The following YPEL1 variants were observed in gnomAD, a reference collection of about 807,000 sequenced individuals.
YPEL1 encodes the protein yippee like 1, also known as protein yippee-like 1.
In YPEL1, 7 loss-of-function variants were observed where a neutral mutation model predicts 17.3. That is an observed-to-expected ratio of 0.40 (90% CI 0.23 to 0.76). The LOEUF (loss-of-function observed/expected upper bound fraction) is 0.76. Ranked by LOEUF, YPEL1 falls within the 30% of genes least tolerant of loss-of-function variation. YPEL1 has a pLI of 0.35. For synonymous variants in YPEL1, 59 were observed against 59.6 expected, an observed-to-expected ratio of 0.99 and a Z score of 0.05; for missense variants, 91 against 155.5, an observed-to-expected ratio of 0.59 and a Z score of 2.21.
At position 21,703,389 on chromosome 22, in the gene YPEL1, G is replaced by T. The variant is rs990942660; in HGVS notation, c.251C>A (p.Thr84Asn). The change falls in exon 4 of 5, where the codon ACC becomes AAC. Residue 84 changes from threonine to asparagine, a missense_variant. Physicochemically the swap from Thr to Asn is moderately conservative, Grantham distance 65. Transcript: ENST00000339468. This position sits in a 1 kb window ranked among gnomAD's most constrained non-coding sequence, Gnocchi z 6.1. ...VADIYCENCK[T>N]TLGWKYEHAF... ...ACTCACGTATTTCCACCCGAGCGTGGTCTTGCAGTTCTCGCAGTAGATGTC... is the reference window on the plus strand; with the variant it reads ...ACTCACGTATTTCCACCCGAGCGTGTTCTTGCAGTTCTCGCAGTAGATGTC... 6 of 1,613,594 alleles carry T rather than the reference G, an allele frequency of 3.7e-6. No individual in the cohort carries two copies. The highest frequency in any genetic ancestry group is 4.2e-6 in the Non-Finnish European group (5 of 1,179,986).
At chr22:21,704,835 CT>C (rs1171699397) in intron 2 of YPEL1, among the ~76,000 whole-genome samples, 1 of 152,190 alleles carries the variant, frequency 6.6e-6, no homozygotes, top group Non-Finnish European at 1.5e-5. Flanking sequence ...TCTGCACCCC[CT>C]GATGCACTTG....
At chr22:21,725,834 GGA>G (rs2068330642) in intron 1 of YPEL1, among the ~76,000 whole-genome samples, 1 of 23,568 alleles carries the variant, frequency 4.2e-5, no homozygotes, top group Non-Finnish European at 1.1e-4. Flanking sequence ...CTCTACCAAA[GGA>G]AAAAAAAAAA....
intron 2 of YPEL1, among the ~76,000 whole-genome samples, chr22:21,704,873 C>T (rs73384110): frequency 0.016 from 2,435 of 152,248 alleles, 24 homozygotes; most frequent in South Asian, 0.038. Context: ...TTTGCCCTCA[C>T]GGGACAGGTG....
intron 1 of YPEL1, among the ~76,000 whole-genome samples, chr22:21,720,567 T>C (rs1022104496): frequency 5.9e-5 from 9 of 152,106 alleles, no homozygotes; most frequent in South Asian, 2.1e-4. Context: ...TTCGACTCAC[T>C]GCAGCCTCCA....
At chr22:21,731,404 G>A (rs1372547808) in intron 1 of YPEL1, among the ~76,000 whole-genome samples, 4 of 151,950 alleles carry the variant, frequency 2.6e-5, no homozygotes, top group African/African-American at 9.7e-5. Flanking sequence ...TTGAAAGAGT[G>A]GGTACCACAC....
At chr22:21,705,688 A>G (rs951422516) in intron 2 of YPEL1, among the ~76,000 whole-genome samples, 4 of 152,218 alleles carry the variant, frequency 2.6e-5, no homozygotes, top group African/African-American at 9.6e-5. Context: ...GAATGGTCAC[A>G]GGTTACAGTG....
chr22:21,728,712 A>AT (rs932704802), intron 1 of YPEL1, among the ~76,000 whole-genome samples: 1 of 152,096 alleles, frequency 6.6e-6, no homozygotes, highest in African/African-American at 2.4e-5. Context: ...GTTGGCAATG[A>AT]TTTTTTTAAA....
chr22:21,727,390 C>G (rs987158689), intron 1 of YPEL1, among the ~76,000 whole-genome samples: 2 of 152,192 alleles, frequency 1.3e-5, no homozygotes, highest in African/African-American at 4.8e-5. Context: ...AAATAAGGAA[C>G]CACCCTGAAG....
intron 1 of YPEL1, among the ~76,000 whole-genome samples, chr22:21,731,782 G>A (rs1032687064): frequency 3.3e-5 from 5 of 152,168 alleles, no homozygotes; most frequent in African/African-American, 1.2e-4. Context: ...GTTGGCTCTG[G>A]GACCTGAAGC....
At chr22:21,705,180 T>C (rs1601625433) in intron 2 of YPEL1, among the ~76,000 whole-genome samples, 1 of 152,338 alleles carries the variant, frequency 6.6e-6, no homozygotes, top group East Asian at 1.9e-4. Context: ...GGTTTCGCCA[T>C]GTTGGCCAGG....
At chr22:21,718,572 A>T (rs2068251097) in intron 1 of YPEL1, among the ~76,000 whole-genome samples, 1 of 152,192 alleles carries the variant, frequency 6.6e-6, no homozygotes, top group Admixed American at 6.5e-5. Context: ...CCACAGGTGG[A>T]TACAGACAGC....
intron 1 of YPEL1, among the ~76,000 whole-genome samples, chr22:21,718,895 G>T (rs1006077443): frequency 6.6e-6 from 1 of 152,136 alleles, no homozygotes; most frequent in African/African-American, 2.4e-5. Flanking sequence ...CCTGATGGGT[G>T]ATTTCCCCAA....
chr22:21,731,217 A>G, intron 1 of YPEL1, among the ~76,000 whole-genome samples: 1 of 152,094 alleles, frequency 6.6e-6, no homozygotes, highest in Non-Finnish European at 1.5e-5. Flanking sequence ...GTCTCTAAAA[A>G]AAAATTTAAA....
chr22:21,734,146 G>C (rs2068414745), intron 1 of YPEL1, among the ~76,000 whole-genome samples: 1 of 152,228 alleles, frequency 6.6e-6, no homozygotes, highest in African/African-American at 2.4e-5. Flanking sequence ...CTTGGGCTCA[G>C]GATGTGGAGG....
chr22:21,703,080 G>A lies in YPEL1; in HGVS notation c.270+290C>T, dbSNP rs570944861. On this transcript the variant is annotated intron_variant, in intron 4 of 4. Transcript: ENST00000339468. The surrounding 1 kb of genome is among the most constrained non-coding windows in gnomAD (Gnocchi z 6.1). ...CCTCCCACACCAGGCTCTGCTCAGC[G>A]GGCCGAGGGCGGGCTGGGTGCAGAG... is the stretch of plus-strand genomic sequence containing the variant. 1.3e-4 allele frequency among the ~76,000 whole-genome samples: 20 copies of A among 152,332 alleles called. No individual in the cohort carries two copies. Among genetic ancestry groups the A allele is most frequent in the Admixed American group, 2.0e-4 (3 of 15,308 alleles).
Position 21,710,895 on chromosome 22 carries a change from G to T in YPEL1, c.-151C>A. The T allele has an allele frequency of 1.4e-6, 1 of 707,596 alleles. No homozygotes were observed. Among genetic ancestry groups the T allele is most frequent in the African/African-American group, 1.7e-5 (1 of 57,262 alleles). 43.8% of individuals were successfully genotyped at this position (707,596 alleles called of 1,614,324 possible). A position where few individuals can be genotyped will look rare whatever the true frequency, so the allele number is the denominator to read the frequency against. On this transcript the variant is annotated 5_prime_UTR_variant, in exon 2 of 5. Coordinates refer to ENST00000339468, the MANE Select transcript of YPEL1 (RefSeq NM_013313.5). Reference sequence around the variant, plus strand: ...GGCACTGTCCACACAGCTGGGACGAGAGAAAAACGTAACCTGCCAACCAAT... The same window carrying T: ...GGCACTGTCCACACAGCTGGGACGATAGAAAAACGTAACCTGCCAACCAAT...
In YPEL1 at chr22:21,700,937, CTG is replaced by C. The variant is rs2068058836; in HGVS notation, c.*190_*191del. The C allele has an allele frequency of 2.1e-6, 1 of 472,314 alleles. No homozygotes were observed. The highest frequency in any genetic ancestry group is 3.6e-5 in the Admixed American group (1 of 27,774). 29.3% of individuals were successfully genotyped at this position (472,314 alleles called of 1,614,324 possible). On this transcript the variant is annotated 3_prime_UTR_variant, in exon 5 of 5. Coordinates refer to ENST00000339468, the MANE Select transcript of YPEL1 (RefSeq NM_013313.5). The stretch of plus-strand genomic sequence containing the variant: ...GCTCATTGAAAATTTTCAGAAACAA[CTG>C]TGTACACGAAGAGGACAGATCCGAG...
chr22:21,734,456 T>C (rs1037823753), intron 1 of YPEL1, among the ~76,000 whole-genome samples: 3 of 152,192 alleles, frequency 2.0e-5, no homozygotes, highest in East Asian at 3.8e-4. Flanking sequence ...AATAAGAAGT[T>C]ATTTTAAAAG....
chr22:21,710,974 G>T, intron 1 of YPEL1, 66 bp from the exon 2 acceptor site: 1 of 535,308 alleles, frequency 1.9e-6, no homozygotes, highest in Non-Finnish European at 3.4e-6. Context: ...GGTACATATG[G>T]GATTCATGTG....
Sources: allele counts gnomAD v4.1 joint callset (sites outside exome capture counted in the v4.1 genomes callset), GRCh38; gene constraint gnomAD v4.1.1; non-coding constraint Gnocchi (gnomAD v3.1); transcripts MANE v1.5; gene names NCBI Gene and HGNC (gene_info 2026-07-23, HGNC 2026-07-21).